The following HTR2C variants were observed in gnomAD, a reference collection of about 807,000 sequenced individuals.
HTR2C encodes the protein 5-hydroxytryptamine receptor 2C, also known as 5-hydroxytryptamine (serotonin) receptor 2C, G protein-coupled.
In HTR2C, 5 loss-of-function variants were observed where a neutral mutation model predicts 21.0. The ratio of observed to expected loss-of-function variants is 0.24; its 90% CI spans 0.12 to 0.50. HTR2C has a LOEUF of 0.50. Ranked by LOEUF, HTR2C falls within the 20% of genes least tolerant of loss-of-function variation. The pLI is 0.98. For synonymous variants in HTR2C, 150 were observed against 145.3 expected (o/e 1.03, Z -0.23); for missense variants, 271 against 371.2 (o/e 0.73, Z 2.22).
intron 5 of HTR2C, among the ~76,000 whole-genome samples, chrX:114,884,949 T>C (rs2071209442): frequency 9.0e-6 from 1 of 110,819 alleles, no homozygotes; most frequent in South Asian, 3.8e-4. Flanking sequence ...TGTTTTATGA[T>C]ATAGCATATA....
At chrX:114,617,370 G>T (rs1049630331) in intron 2 of HTR2C, among the ~76,000 whole-genome samples, 10 of 111,863 alleles carry the variant, frequency 8.9e-5, no homozygotes, top group Non-Finnish European at 1.9e-4. Flanking sequence ...AGCCCAGGAA[G>T]TCAAGGCTGC....
At chrX:114,612,738 G>A (rs782691376) in intron 1 of HTR2C, among the ~76,000 whole-genome samples, 2 of 110,913 alleles carry the variant, frequency 1.8e-5, no homozygotes, top group South Asian at 7.7e-4. Flanking sequence ...TTAGCAGAAG[G>A]ACGAACACTG....
chrX:114,652,004 T>C (rs1284546943), intron 2 of HTR2C, among the ~76,000 whole-genome samples: 1 of 111,745 alleles, frequency 8.9e-6, no homozygotes, highest in African/African-American at 3.2e-5. Flanking sequence ...GAAATCTCCA[T>C]AGTATAATTT....
intron 4 of HTR2C, among the ~76,000 whole-genome samples, chrX:114,777,210 C>A (rs2070067661): frequency 9.0e-6 from 1 of 111,696 alleles, no homozygotes; most frequent in Non-Finnish European, 1.9e-5. Flanking sequence ...TACTTCTAGT[C>A]CAGTTAGTTT....
At chrX:114,823,032 G>T (rs1361532669) in intron 4 of HTR2C, among the ~76,000 whole-genome samples, 1 of 111,371 alleles carries the variant, frequency 9.0e-6, no homozygotes, top group African/African-American at 3.3e-5. Flanking sequence ...GGTAAAAAGT[G>T]TGTGCAGCCC....
intron 2 of HTR2C, among the ~76,000 whole-genome samples, chrX:114,632,737 A>G (rs1258729979): frequency 3.6e-5 from 4 of 111,019 alleles, no homozygotes; most frequent in Admixed American, 9.6e-5. Context: ...CCGTGCCTTT[A>G]TATAAACCTC....
At chrX:114,890,762 T>C (rs1449405363) in intron 5 of HTR2C, among the ~76,000 whole-genome samples, 2 of 112,072 alleles carry the variant, frequency 1.8e-5, no homozygotes, top group Non-Finnish European at 3.8e-5. Context: ...CTTCTGCTTT[T>C]TAAATATTCT....
chrX:114,713,646 T>A (rs1556419428), intron 2 of HTR2C, among the ~76,000 whole-genome samples: 3 of 111,525 alleles, frequency 2.7e-5, no homozygotes, highest in African/African-American at 9.7e-5. Context: ...TATCCAAAAT[T>A]TCAGTGATCA....
intron 2 of HTR2C, among the ~76,000 whole-genome samples, chrX:114,670,894 G>T (rs1360571515): frequency 9.0e-6 from 1 of 111,453 alleles, no homozygotes; most frequent in Non-Finnish European, 1.9e-5. Context: ...ATTAATGTAC[G>T]AGTTTAGCTG....
At chrX:114,807,434 G>A (rs12383575) in intron 4 of HTR2C, among the ~76,000 whole-genome samples, 3 of 77,081 alleles carry the variant, frequency 3.9e-5, no homozygotes, top group Non-Finnish European at 4.9e-5. Context: ...ATATATATAC[G>A]CCATATATAT....
intron 4 of HTR2C, among the ~76,000 whole-genome samples, chrX:114,755,296 G>C (rs1249898720): frequency 1.9e-5 from 2 of 108,049 alleles, no homozygotes; most frequent in Admixed American, 2.0e-4. Flanking sequence ...GAGGTCAAAA[G>C]TCTGAAATCA....
chrX:114,801,591 G>T (rs782665332), intron 4 of HTR2C, among the ~76,000 whole-genome samples: 5 of 111,432 alleles, frequency 4.5e-5, no homozygotes, highest in Non-Finnish European at 9.5e-5. Flanking sequence ...TAACTTCCTT[G>T]TCAGGAAAGC....
At chrX:114,733,418 A>G (rs2069556475) in intron 4 of HTR2C, among the ~76,000 whole-genome samples, 1 of 109,332 alleles carries the variant, frequency 9.1e-6, no homozygotes, top group Non-Finnish European at 1.9e-5. Flanking sequence ...AAAAAATTTA[A>G]AAAAAAAACC....
chrX:114,627,647 G>A (rs1334423967), intron 2 of HTR2C, among the ~76,000 whole-genome samples: 1 of 111,932 alleles, frequency 8.9e-6, no homozygotes, highest in African/African-American at 3.2e-5. Context: ...GGGATGAATT[G>A]TATAATCATT....
intron 5 of HTR2C, among the ~76,000 whole-genome samples, chrX:114,874,381 A>G (rs2071115968): frequency 8.9e-6 from 1 of 111,918 alleles, no homozygotes; most frequent in African/African-American, 3.2e-5. Context: ...TAATGGTTAC[A>G]CTAATTTACA....
chrX:114,823,358 C>A, intron 4 of HTR2C: 1 of 332,091 alleles, frequency 3.0e-6, no homozygotes, highest in Middle Eastern at 5.6e-4. Flanking sequence ...CCAGAAGAGG[C>A]TTTCATGACA....
intron 2 of HTR2C, among the ~76,000 whole-genome samples, chrX:114,633,947 T>TATATAGAGAGAG (rs201763901): frequency 0.18 from 16,832 of 91,990 alleles, 1,422 homozygotes; most frequent in Admixed American, 0.27. Flanking sequence ...TATATATATA[T>TATATAGAGAGAG]AGAGAGAGAG....
intron 1 of HTR2C, among the ~76,000 whole-genome samples, chrX:114,604,817 G>T (rs1217575740): frequency 9.0e-6 from 1 of 111,354 alleles, no homozygotes; most frequent in East Asian, 2.8e-4. Flanking sequence ...TGCGGTTCAG[G>T]CGTTTGGAAG....
At chrX:114,870,064 A>G (rs1170812847) in intron 5 of HTR2C, among the ~76,000 whole-genome samples, 1 of 102,283 alleles carries the variant, frequency 9.8e-6, no homozygotes, top group Non-Finnish European at 2.0e-5. Context: ...TTTGTTTGCT[A>G]TTGTCCTGTA....
Sources: gnomAD v4.1 joint callset for allele counts (sites outside exome capture counted in the v4.1 genomes callset) on GRCh38, gnomAD v4.1.1 for gene constraint, MANE v1.5 for transcripts, NCBI Gene and HGNC (gene_info 2026-07-23, HGNC 2026-07-21) for gene names.